The following EDRF1 variants were observed in gnomAD, a reference collection of about 807,000 sequenced individuals.
EDRF1 encodes erythroid differentiation regulatory factor 1, also known as erythroid differentiation-related factor 1.
In EDRF1, 69 loss-of-function variants were observed where a neutral mutation model predicts 148.7. That is an observed-to-expected ratio of 0.46 (90% CI 0.38 to 0.57). The LOEUF (loss-of-function observed/expected upper bound fraction) is 0.57. EDRF1 is among the 20% of genes least tolerant of loss of function. The pLI, the probability that EDRF1 is intolerant of heterozygous loss-of-function variation, is 0.00. For missense variants in EDRF1, 1,118 were observed against 1,478.7 expected (o/e 0.76, Z 4.00); for synonymous variants, 515 against 532.8 (o/e 0.97, Z 0.46).
chr10:125,723,611 C>G (rs918345209), intron 3 of EDRF1, among the ~76,000 whole-genome samples, 200 bp from the exon 4 acceptor site: 1 of 152,128 alleles, frequency 6.6e-6, no homozygotes, highest in Non-Finnish European at 1.5e-5. Context: ...CATAATGTGA[C>G]TCATAAAGTG....
intron 5 of EDRF1, 109 bp from the exon 6 acceptor site, chr10:125,725,573 T>C: frequency 6.4e-7 from 1 of 1,569,102 alleles, no homozygotes; most frequent in Non-Finnish European, 8.7e-7. Context: ...ATATTTCTTT[T>C]TTACAAGATG....
At chr10:125,755,856 T>A (rs1325738134) in intron 24 of EDRF1, among the ~76,000 whole-genome samples, 1 of 152,198 alleles carries the variant, frequency 6.6e-6, no homozygotes, top group African/African-American at 2.4e-5. Context: ...TCATTCTAGC[T>A]AGAAGTTTTC....
intron 9 of EDRF1, among the ~76,000 whole-genome samples, 158 bp from the exon 10 acceptor site, chr10:125,733,246 T>C (rs1328976856): frequency 1.3e-5 from 2 of 152,110 alleles, no homozygotes; most frequent in East Asian, 3.9e-4. Context: ...TTTGGGAGGC[T>C]GGGGCAGAAA....
At chr10:125,744,692 C>G (rs1849245535) in intron 18 of EDRF1, 1 of 152,190 alleles carries the variant, frequency 6.6e-6, no homozygotes, top group South Asian at 2.1e-4. Flanking sequence ...GGGGACCACG[C>G]TTTTGGATCT....
rs1321682498 is a variant in EDRF1, at chr10:125,738,009, T to C, written c.1830+20T>C. 6.2e-7 allele frequency: 1 copy of C among 1,609,668 alleles called. No homozygotes were observed. Among genetic ancestry groups the C allele is most frequent in the Non-Finnish European group, 8.5e-7 (1 of 1,176,040 alleles). On this transcript the variant is annotated intron_variant, in intron 14 of 24. Transcript: ENST00000356792. Reference sequence around the variant, plus strand: ...CTAGAGGTAAGTTTAAGTTTAGTCTTCACTTTTTTCGTAAAGTTTGTACTT... The same window carrying C: ...CTAGAGGTAAGTTTAAGTTTAGTCTCCACTTTTTTCGTAAAGTTTGTACTT...
At position 125,729,085 on chromosome 10, in the gene EDRF1, A is replaced by T. The variant is rs745891249; in HGVS notation, c.875A>T (p.Asn292Ile). The T allele has an allele frequency of 6.4e-7, 1 of 1,570,380 alleles. No homozygotes were observed. Among genetic ancestry groups the T allele is most frequent in the Non-Finnish European group, 8.6e-7 (1 of 1,165,126 alleles). The change falls in exon 7 of 25, where the codon AAT becomes ATT. Residue 292 changes from asparagine (N) to isoleucine (I), a missense_variant. By Grantham distance (149) the Asn-to-Ile change is moderately radical. This residue lies in a region of EDRF1 where 954 missense variants were observed against 1,241.4 expected (regional missense o/e 0.77). Transcript: ENST00000356792. ...PKEQNLITLF[N>I]DGEHSQGLKN... ...GAACAAAACCTGATTACTTTATTCAATGACGGGGAGCACAGTCAGGTATGC... is the reference window on the plus strand; with the variant it reads ...GAACAAAACCTGATTACTTTATTCATTGACGGGGAGCACAGTCAGGTATGC...
intron 6 of EDRF1, among the ~76,000 whole-genome samples, chr10:125,727,542 C>T (rs1413616802): frequency 2.0e-5 from 3 of 152,036 alleles, no homozygotes; most frequent in Admixed American, 6.6e-5. Context: ...TTTTGAGAAT[C>T]GGTTCATGAG....
At chr10:125,741,538 G>A (rs1346573820) in intron 17 of EDRF1, 2 of 338,080 alleles carry the variant, frequency 5.9e-6, no homozygotes, top group African/African-American at 4.3e-5. Context: ...ACCACGCCTG[G>A]CCTGCTGTTT....
intron 9 of EDRF1, among the ~76,000 whole-genome samples, chr10:125,732,646 A>C (rs749067721): frequency 6.6e-6 from 1 of 152,200 alleles, no homozygotes; most frequent in Non-Finnish European, 1.5e-5. Flanking sequence ...GGAAGGAAAT[A>C]ATCAACATTG....
rs1406615538 is a variant in EDRF1 at position 125,747,386 on chromosome 10, CT to C, written c.2815-144del. On this transcript the variant is annotated intron_variant, in intron 19 of 24. Coordinates refer to ENST00000356792, the MANE Select transcript of EDRF1 (RefSeq NM_001202438.2). Reference sequence around the variant, plus strand: ...TCATTGAAATATTTTCATTGACTTACTTTTTTCATTTCCTCATAATATTGTC... The same window carrying C: ...TCATTGAAATATTTTCATTGACTTACTTTTTCATTTCCTCATAATATTGTC... The C allele has an allele frequency of 4.4e-6, 4 of 906,032 alleles. No individual in the cohort carries two copies. In the East Asian group the frequency reaches 1.0e-4, roughly 24 times the overall value. The allele number at this position is 906,032 out of a possible 1,614,324, so 56.1% of individuals were successfully genotyped here. A position where few individuals can be genotyped will look rare whatever the true frequency, so the allele number is the denominator to read the frequency against.
At chr10:125,752,688 T>C (rs1849700994) in intron 22 of EDRF1, 111 bp from the exon 23 acceptor site, 1 of 714,828 alleles carries the variant, frequency 1.4e-6, no homozygotes, top group African/African-American at 1.8e-5. Flanking sequence ...AAGATTCTCA[T>C]TAGCTTCCTT....
rs188234716 is a variant in EDRF1 at position 125,730,485 on chromosome 10, C to T, written c.1128+86C>T. On this transcript the variant is annotated intron_variant, in intron 9 of 24. Transcript: ENST00000356792. ...CCAAAGTCTTTACGGCCCTGAAGTA[C>T]TAAGGTGCATTTTTGCCAGGGAAGA... 3.8e-6 allele frequency: 4 copies of T among 1,066,292 alleles called. No individual in the cohort carries two copies. The East Asian group carries it at 9.6e-5, about 26-fold the overall frequency. The allele number at this position is 1,066,292 out of a possible 1,614,324, so 66.1% of individuals were successfully genotyped here. A position where few individuals can be genotyped will look rare whatever the true frequency, so the allele number is the denominator to read the frequency against.
chr10:125,731,814 C>T (rs1180071005), intron 9 of EDRF1: 1 of 433,614 alleles, frequency 2.3e-6, no homozygotes, highest in Non-Finnish European at 4.7e-6. Context: ...TTATTTTATC[C>T]AAGCACTTTG....
chr10:125,733,785 T>C (rs1205403800), intron 11 of EDRF1, 42 bp downstream of exon 11: 3 of 1,546,394 alleles, frequency 1.9e-6, no homozygotes, highest in East Asian at 4.5e-5. Flanking sequence ...TAGCCTATTA[T>C]ATAAAGTTTT....
chr10:125,730,955 G>A lies in EDRF1; in HGVS notation c.1128+556G>A, dbSNP rs118137003. ...AGCCGAGAGTTCAAGACCAACCTGG[G>A]CAACGTAGTGAGACCCTAATTGTAG... On this transcript the variant is annotated intron_variant, in intron 9 of 24. Transcript: ENST00000356792. 7.5e-3 allele frequency among the ~76,000 whole-genome samples: 1,148 copies of A among 152,202 alleles called. 5 individuals are homozygous for A. Among genetic ancestry groups the A allele is most frequent in the Middle Eastern group, 0.02 (6 of 294 alleles).
intron 11 of EDRF1, 50 bp from the exon 12 acceptor site, chr10:125,734,022 G>A: frequency 1.4e-6 from 2 of 1,423,026 alleles, no homozygotes; most frequent in Non-Finnish European, 2.0e-6. Flanking sequence ...CTTGAGTCTT[G>A]CAGACAACGA....
intron 24 of EDRF1, among the ~76,000 whole-genome samples, chr10:125,760,238 T>C (rs1850131445): frequency 6.6e-6 from 1 of 152,244 alleles, no homozygotes; most frequent in Non-Finnish European, 1.5e-5. Flanking sequence ...GATGGTAATA[T>C]AAATATATGA....
chr10:125,727,054 G>A (rs1160491336), intron 6 of EDRF1, among the ~76,000 whole-genome samples: 6 of 151,808 alleles, frequency 4.0e-5, no homozygotes, highest in Non-Finnish European at 2.9e-5. Context: ...TTTCATTCTT[G>A]GAGCTGCGTA....
Position 125,763,203 on chromosome 10 carries a change from G to A in EDRF1, c.3546-98G>A. On this transcript the variant is annotated intron_variant, in intron 24 of 24. Coordinates refer to ENST00000356792, the MANE Select transcript of EDRF1 (RefSeq NM_001202438.2). This position sits in a 1 kb window ranked among gnomAD's most constrained non-coding sequence, Gnocchi z 4.3. The stretch of plus-strand genomic sequence containing the variant: ...AGGAATGCCTGCTGCTCTGTGAAGA[G>A]TGACTGTTGGGCTGTCACTGTCCGG... The A allele has an allele frequency of 5.0e-6, 6 of 1,207,430 alleles. No homozygotes were observed. The South Asian group carries it at 7.3e-5, about 15-fold the overall frequency. The allele number at this position is 1,207,430 out of a possible 1,614,324, so 74.8% of individuals were successfully genotyped here. A position where few individuals can be genotyped will look rare whatever the true frequency, so the allele number is the denominator to read the frequency against.
Sources: gnomAD v4.1 joint callset for allele counts (sites outside exome capture counted in the v4.1 genomes callset) on GRCh38, gnomAD v4.1.1 for gene constraint, gnomAD v4.1.1 regional missense constraint, Gnocchi (gnomAD v3.1) non-coding constraint, MANE v1.5 for transcripts, NCBI Gene and HGNC (gene_info 2026-07-23, HGNC 2026-07-21) for gene names.